Variants in TTC29 observed in about 807,000 individuals in gnomAD.
The protein encoded by TTC29 is tetratricopeptide repeat protein 29.
In TTC29, 49 loss-of-function variants were observed where a neutral mutation model predicts 58.1. The ratio of observed to expected loss-of-function variants is 0.84; its 90% confidence interval spans 0.67 to 1.07. The LOEUF is 1.07. Ranked by LOEUF, TTC29 falls within the 50% of genes least tolerant of loss-of-function variation. The pLI is 0.00. For missense variants in TTC29, 582 were observed against 555.6 expected, an observed-to-expected ratio of 1.05 and a Z score of -0.48; for synonymous variants, 209 against 196.8, an observed-to-expected ratio of 1.06 and a Z score of -0.52.
intron 9 of TTC29, among the ~76,000 whole-genome samples, chr4:146,830,510 C>T (rs1472101547): frequency 6.6e-6 from 1 of 152,182 alleles, no homozygotes; most frequent in African/African-American, 2.4e-5. Flanking sequence ...CATGGCTATC[C>T]TCTTCCATTT....
intron 11 of TTC29, among the ~76,000 whole-genome samples, chr4:146,794,334 A>G (rs561832363): frequency 1.2e-4 from 18 of 152,190 alleles, no homozygotes; most frequent in African/African-American, 4.1e-4. Flanking sequence ...TTTTGCTCAC[A>G]TTGTATTCAA....
At chr4:146,877,115 A>G (rs1731317563) in intron 6 of TTC29, among the ~76,000 whole-genome samples, 1 of 152,076 alleles carries the variant, frequency 6.6e-6, no homozygotes, top group Admixed American at 6.6e-5. Flanking sequence ...CATGAGTAGG[A>G]TATTATAGAA....
chr4:146,884,627 G>A (rs1335684258), intron 6 of TTC29, among the ~76,000 whole-genome samples: 2 of 151,984 alleles, frequency 1.3e-5, no homozygotes, highest in East Asian at 1.9e-4. Context: ...TACAAATGGG[G>A]GAAATGAACA....
intron 8 of TTC29, among the ~76,000 whole-genome samples, chr4:146,845,937 G>A (rs1729140320): frequency 6.6e-6 from 1 of 152,072 alleles, no homozygotes; most frequent in African/African-American, 2.4e-5. Context: ...CCTGGGGACA[G>A]GATCCATACC....
At chr4:146,738,809 G>A (rs140716359) in intron 11 of TTC29, among the ~76,000 whole-genome samples, 12 of 152,176 alleles carry the variant, frequency 7.9e-5, no homozygotes, top group African/African-American at 1.7e-4. Context: ...GAACGCTGAC[G>A]TCATGAAGCT....
At chr4:146,913,980 G>A (rs898995898) in intron 4 of TTC29, among the ~76,000 whole-genome samples, 5 of 152,074 alleles carry the variant, frequency 3.3e-5, no homozygotes, top group African/African-American at 1.2e-4. Context: ...ATAGAACTAT[G>A]CTGGTATCAT....
intron 11 of TTC29, among the ~76,000 whole-genome samples, chr4:146,732,885 C>T (rs183703082): frequency 2.0e-5 from 3 of 152,244 alleles, no homozygotes; most frequent in Admixed American, 2.0e-4. Context: ...AAAGTCAAGA[C>T]CACCTGTCAT....
intron 6 of TTC29, among the ~76,000 whole-genome samples, chr4:146,877,174 G>A (rs140051558): frequency 2.6e-5 from 4 of 152,032 alleles, no homozygotes; most frequent in African/African-American, 2.4e-5. Context: ...AATATATTAG[G>A]AAACATAAAA....
intron 11 of TTC29, among the ~76,000 whole-genome samples, chr4:146,721,308 G>C (rs1743336178): frequency 6.6e-6 from 1 of 152,054 alleles, no homozygotes; most frequent in Non-Finnish European, 1.5e-5. Context: ...GTTAGAGCAT[G>C]TTTTCTCAAC....
At chr4:146,870,101 G>T (rs1226885284) in intron 7 of TTC29, among the ~76,000 whole-genome samples, 9 of 152,010 alleles carry the variant, frequency 5.9e-5, no homozygotes, top group Non-Finnish European at 1.2e-4. Context: ...CCAAGTGGGG[G>T]TCCAGAGGAC....
Position 146,830,424 on chromosome 4 carries a change from G to C in TTC29, c.977+3382C>G, listed in dbSNP as rs955447748. Reference sequence around the variant, plus strand: ...AGTATAAATTCTTATAACCATTTTAGAAGCTTCCAGCCTTAGATCTTATTC... The same window carrying C: ...AGTATAAATTCTTATAACCATTTTACAAGCTTCCAGCCTTAGATCTTATTC... On this transcript the variant is annotated intron_variant, in intron 9 of 12. Transcript: ENST00000325106. 3.3e-5 allele frequency among the ~76,000 whole-genome samples: 5 copies of C among 152,226 alleles called. No individual in the cohort carries two copies. In the East Asian group the frequency reaches 7.7e-4, roughly 23 times the overall value.
chr4:146,800,980 G>A (rs2150115437), intron 11 of TTC29, among the ~76,000 whole-genome samples: 1 of 152,294 alleles, frequency 6.6e-6, no homozygotes, highest in East Asian at 1.9e-4. Context: ...GGGCATCATG[G>A]AGGGTTTCAG....
chr4:146,858,352 C>T (rs906150412), intron 8 of TTC29, among the ~76,000 whole-genome samples: 1 of 152,184 alleles, frequency 6.6e-6, no homozygotes, highest in African/African-American at 2.4e-5. Context: ...GAACATTGTA[C>T]ATCCAAACCT....
intron 8 of TTC29, among the ~76,000 whole-genome samples, chr4:146,855,344 A>G (rs1729774963): frequency 6.6e-6 from 1 of 152,176 alleles, no homozygotes; most frequent in African/African-American, 2.4e-5. Flanking sequence ...GAGGAAGGAG[A>G]CTAGCTTGAA....
chr4:146,853,124 T>A (rs1178658819), intron 8 of TTC29, among the ~76,000 whole-genome samples: 1 of 152,122 alleles, frequency 6.6e-6, no homozygotes, highest in Non-Finnish European at 1.5e-5. Context: ...TGGAAAGATA[T>A]AATAGTTTAC....
At chr4:146,903,775 C>T (rs1425914427) in intron 5 of TTC29, 46 bp from the exon 6 acceptor site, 10 of 1,380,860 alleles carry the variant, frequency 7.2e-6, no homozygotes, top group Non-Finnish European at 9.6e-6. Flanking sequence ...AAAGATGTCT[C>T]ATGGCACACC....
At chr4:146,875,500 TTTTTC>T (rs1256008495) in intron 6 of TTC29, among the ~76,000 whole-genome samples, 1 of 150,616 alleles carries the variant, frequency 6.6e-6, no homozygotes, top group African/African-American at 2.4e-5. Flanking sequence ...CATCATTCTT[TTTTTC>T]TTTTCTTTTC....
chr4:146,792,701 G>T (rs140105290), intron 11 of TTC29, among the ~76,000 whole-genome samples: 52 of 152,266 alleles, frequency 3.4e-4, no homozygotes, highest in Non-Finnish European at 5.1e-4. Flanking sequence ...TAATATTTAA[G>T]AAATATTTTG....
rs34870490 is a variant in TTC29 at position 146,933,057 on chromosome 4, C to CAA, written c.176+4535_176+4536dup. Among the ~76,000 whole-genome samples, 289 of 137,242 alleles carry CAA rather than the reference C, an allele frequency of 2.1e-3. 7 individuals are homozygous for CAA. In the South Asian group the frequency reaches 0.033, roughly 15 times the overall value. The allele number at this position is 137,242 out of a possible 152,430, so 90.0% of individuals were successfully genotyped here. On this transcript the variant is annotated intron_variant, in intron 4 of 12. Transcript: ENST00000325106. ...TGGGTGACAGACCGAGACTCCGTCT[C>CAA]AAAAAAAAAAAAAAGATATGAAGTA...
Sources: gnomAD v4.1 joint callset for allele counts (sites outside exome capture counted in the v4.1 genomes callset) on GRCh38, gnomAD v4.1.1 for gene constraint, MANE v1.5 for transcripts, NCBI Gene and HGNC (gene_info 2026-07-23, HGNC 2026-07-21) for gene names.